ARHGAP21: variants seen among roughly 807,000 people sequenced by gnomAD.
ARHGAP21 encodes the protein Rho GTPase activating protein 21, also known as rho GTPase-activating protein 21.
Under a neutral mutation model 164.6 loss-of-function variants are expected in ARHGAP21, and 38 were observed. That is an observed-to-expected ratio of 0.23 (90% CI 0.18 to 0.30). The LOEUF (loss-of-function observed/expected upper bound fraction) is 0.30. Among genes scored for constraint, ARHGAP21 ranks in the 10% least tolerant of loss-of-function variants. ARHGAP21 has a pLI of 1.00. For missense variants in ARHGAP21, 1,822 were observed against 2,370.7 expected, an observed-to-expected ratio of 0.77 and a Z score of 4.81; for synonymous variants, 766 against 857.9, an observed-to-expected ratio of 0.89 and a Z score of 1.87.
chr10:24,692,180 A>G (rs1842811738), intron 2 of ARHGAP21, among the ~76,000 whole-genome samples: 1 of 152,202 alleles, frequency 6.6e-6, no homozygotes, highest in African/African-American at 2.4e-5. Context: ...GAAGGACATA[A>G]GTTTAGTCTG....
intron 4 of ARHGAP21, among the ~76,000 whole-genome samples, chr10:24,637,253 G>GA (rs1836476351): frequency 6.6e-6 from 1 of 152,186 alleles, no homozygotes. Flanking sequence ...AATTTAAAAG[G>GA]AAAAATACTT....
chr10:24,605,945 AAAATT>A (rs2077006259), intron 11 of ARHGAP21, among the ~76,000 whole-genome samples: 1 of 152,194 alleles, frequency 6.6e-6, no homozygotes, highest in Admixed American at 6.5e-5. Context: ...GCCCCACAAT[AAAATT>A]AAATACATAT....
chr10:24,684,551 G>A (rs1842048436), intron 2 of ARHGAP21, among the ~76,000 whole-genome samples: 1 of 152,164 alleles, frequency 6.6e-6, no homozygotes, highest in Non-Finnish European at 1.5e-5. Flanking sequence ...AAAAACTCCT[G>A]TCAAAAACAA....
At chr10:24,613,354 T>C (rs1371313506) in intron 9 of ARHGAP21, among the ~76,000 whole-genome samples, 1 of 152,228 alleles carries the variant, frequency 6.6e-6, no homozygotes, top group Admixed American at 6.5e-5. Flanking sequence ...TCCTGTTTTA[T>C]ATGAACTGGT....
chr10:24,589,202 A>G, intron 25 of ARHGAP21, 69 bp downstream of exon 25: 1 of 1,383,858 alleles, frequency 7.2e-7, no homozygotes, highest in Non-Finnish European at 1.0e-6. Flanking sequence ...GCATTTGTGT[A>G]TCAACCATAA....
At chr10:24,658,687 G>C (rs1410941356) in intron 4 of ARHGAP21, among the ~76,000 whole-genome samples, 1 of 152,108 alleles carries the variant, frequency 6.6e-6, no homozygotes. Context: ...GTGGGGTGGG[G>C]GGAGAGAGGA....
intron 7 of ARHGAP21, among the ~76,000 whole-genome samples, chr10:24,626,222 A>G (rs1241773436): frequency 6.6e-6 from 1 of 152,212 alleles, no homozygotes; most frequent in African/African-American, 2.4e-5. Flanking sequence ...TGATGAACCA[A>G]GAAGTATGCC....
Position 24,620,461 on chromosome 10 carries a change from T to C in ARHGAP21, c.1434A>G (p.Gln478=), listed in dbSNP as rs780486169. ...LMKYCPRSAS[Q]GALTSPSVSF... ...TAACAGATGGAGACGTCAGTGCTCC[T>C]TGAGATGCACTTCTTGGACAATACT... is the stretch of plus-strand genomic sequence containing the variant. The change falls in exon 9 of 26, where the codon CAA becomes CAG. Residue 478 remains glutamine (Q), a synonymous_variant. Coordinates refer to ENST00000396432, the MANE Select transcript of ARHGAP21 (RefSeq NM_020824.4). The C allele has an allele frequency of 5.0e-6, 8 of 1,611,486 alleles. No individual in the cohort carries two copies. The highest frequency in any genetic ancestry group is 2.2e-5 in the East Asian group (1 of 44,866).
intron 11 of ARHGAP21, among the ~76,000 whole-genome samples, chr10:24,606,333 A>G (rs545506700): frequency 1.3e-5 from 2 of 152,192 alleles, no homozygotes; most frequent in Non-Finnish European, 2.9e-5. Flanking sequence ...TATAAAAAGG[A>G]TGCAGAAGTC....
intron 4 of ARHGAP21, among the ~76,000 whole-genome samples, chr10:24,660,140 G>T (rs1593204037): frequency 6.6e-6 from 1 of 151,900 alleles, no homozygotes; most frequent in Non-Finnish European, 1.5e-5. Flanking sequence ...CTAATAACCA[G>T]CATTAAAAGT....
intron 13 of ARHGAP21, among the ~76,000 whole-genome samples, chr10:24,601,668 C>A (rs546679782): frequency 6.6e-6 from 1 of 152,074 alleles, no homozygotes; most frequent in Non-Finnish European, 1.5e-5. Context: ...ACGGAATAAC[C>A]CATTGCTAAT....
intron 25 of ARHGAP21, among the ~76,000 whole-genome samples, chr10:24,587,058 G>C (rs560031261): frequency 6.6e-6 from 1 of 152,126 alleles, no homozygotes. Context: ...AGAAAGGAAA[G>C]ATCAATTAAC....
At chr10:24,594,415 G>C (rs761579315) in intron 21 of ARHGAP21, among the ~76,000 whole-genome samples, 1 of 152,148 alleles carries the variant, frequency 6.6e-6, no homozygotes, top group South Asian at 2.1e-4. Flanking sequence ...GGAGGCAGGT[G>C]AATTGCTTGA....
At chr10:24,663,086 A>G (rs1407201817) in intron 4 of ARHGAP21, among the ~76,000 whole-genome samples, 2 of 152,024 alleles carry the variant, frequency 1.3e-5, no homozygotes, top group African/African-American at 4.8e-5. Flanking sequence ...AGATTAGCAT[A>G]TATGTGGGCG....
intron 9 of ARHGAP21, among the ~76,000 whole-genome samples, chr10:24,613,002 CTTCT>C (rs2077335001): frequency 6.6e-6 from 1 of 152,086 alleles, no homozygotes; most frequent in Admixed American, 6.5e-5. Flanking sequence ...GCATAAGCTC[CTTCT>C]TTCAAGTAAT....
At chr10:24,601,490 C>T (rs1592975220) in intron 13 of ARHGAP21, among the ~76,000 whole-genome samples, 1 of 152,190 alleles carries the variant, frequency 6.6e-6, no homozygotes, top group African/African-American at 2.4e-5. Flanking sequence ...ATTTTTATGG[C>T]AAAGTCTTTT....
chr10:24,663,190 A>C (rs1839876639), intron 4 of ARHGAP21, among the ~76,000 whole-genome samples: 1 of 152,074 alleles, frequency 6.6e-6, no homozygotes, highest in Non-Finnish European at 1.5e-5. Flanking sequence ...TCTAGTTATT[A>C]TATTGACTCT....
At position 24,658,537 on chromosome 10, in the gene ARHGAP21, G is replaced by A. The variant is rs372400237; in HGVS notation, c.268+8448C>T. On this transcript the variant is annotated intron_variant, in intron 4 of 25. Transcript: ENST00000396432. Reference sequence around the variant, plus strand: ...AGTTCATGTCCTTTGTAGAGACGTCGATGAAGCTAGAAACCATCATCTGAG... The same window carrying A: ...AGTTCATGTCCTTTGTAGAGACGTCAATGAAGCTAGAAACCATCATCTGAG... Among the ~76,000 whole-genome samples the A allele has an allele frequency of 2.1e-4, 32 of 152,292 alleles. 1 individual carries two copies. In the East Asian group the frequency reaches 4.4e-3, roughly 21 times the overall value.
intron 5 of ARHGAP21, among the ~76,000 whole-genome samples, chr10:24,634,785 T>C (rs1565066700): frequency 6.6e-6 from 1 of 152,210 alleles, no homozygotes; most frequent in Non-Finnish European, 1.5e-5. Context: ...TGTGTGGTAA[T>C]TAAAAGTGCT....
Sources: allele counts gnomAD v4.1 joint callset (sites outside exome capture counted in the v4.1 genomes callset), GRCh38; gene constraint gnomAD v4.1.1; transcripts MANE v1.5; gene names NCBI Gene and HGNC (gene_info 2026-07-23, HGNC 2026-07-21).